The following ALKBH1 variants were observed in gnomAD, a reference collection of about 807,000 sequenced individuals.
The protein encoded by ALKBH1 is alkB homolog 1, histone H2A dioxygenase.
A neutral mutation model predicts 36.6 loss-of-function variants in ALKBH1; 31 were observed. That is an observed-to-expected ratio of 0.85 (90% CI 0.64 to 1.14). The LOEUF is 1.14. Ranked by LOEUF, ALKBH1 falls within the 50% of genes most tolerant of loss-of-function variation. The pLI, the probability that ALKBH1 is intolerant of heterozygous loss-of-function variation, is 0.00. For missense variants in ALKBH1, 490 were observed against 497.3 expected, an observed-to-expected ratio of 0.99 and a Z score of 0.14; for synonymous variants, 183 against 186.6, an observed-to-expected ratio of 0.98 and a Z score of 0.16.
chr14:77,688,343 C>T (rs2080279537), intron 3 of ALKBH1, among the ~76,000 whole-genome samples: 1 of 151,278 alleles, frequency 6.6e-6, no homozygotes, highest in Non-Finnish European at 1.5e-5. Context: ...TGCAACCTCT[C>T]CTCCCAGGTT....
At position 77,681,222 on chromosome 14, in the gene ALKBH1, A is replaced by T. The variant is rs190150500; in HGVS notation, c.456-1252T>A. Among the ~76,000 whole-genome samples, 7 of 152,290 alleles carry T rather than the reference A, an allele frequency of 4.6e-5. No homozygotes were observed. In the East Asian group the frequency reaches 1.4e-3, roughly 29 times the overall value. ...CTAAGGAGAAATTAGAGGGAAACTG[A>T]ACGCAGTATAAAGTCTAGTACTAAA... On this transcript the variant is annotated intron_variant, in intron 3 of 5. Transcript: ENST00000216489.
At chr14:77,688,246 T>C (rs1441945421) in intron 3 of ALKBH1, among the ~76,000 whole-genome samples, 2 of 57,266 alleles carry the variant, frequency 3.5e-5, no homozygotes, top group Non-Finnish European at 8.9e-5. Context: ...AAACTAAATT[T>C]TTTTTTTTTT....
At chr14:77,699,819 G>GC (rs774208701) in intron 2 of ALKBH1, among the ~76,000 whole-genome samples, 37 of 152,126 alleles carry the variant, frequency 2.4e-4, no homozygotes, top group African/African-American at 4.8e-4. Flanking sequence ...ACTTTGGGAG[G>GC]CAAGGAGGGC....
chr14:77,705,411 GAA>G (rs56123313), intron 1 of ALKBH1, among the ~76,000 whole-genome samples: 50,625 of 111,806 alleles, frequency 0.45, 8,981 homozygotes, highest in Admixed American at 0.51. Flanking sequence ...CTCCGTCTAA[GAA>G]AAAAAAAAAA....
chr14:77,700,003 A>C (rs1025189479), intron 2 of ALKBH1, among the ~76,000 whole-genome samples: 8 of 152,024 alleles, frequency 5.3e-5, no homozygotes, highest in African/African-American at 1.2e-4. Context: ...TGCAGTGAGC[A>C]GAGATCACAC....
rs1467590100 is a variant in ALKBH1, at chr14:77,674,079, C to G, written c.903G>C (p.Leu301=). 3 of 1,614,144 alleles carry G rather than the reference C, an allele frequency of 1.9e-6. No homozygotes were observed. In the East Asian group the frequency reaches 6.7e-5, roughly 36 times the overall value. Residue 301 remains leucine (L), a synonymous_variant, in exon 6 of 6, where the codon CTG becomes CTC. Transcript: ENST00000216489. ...RVLPNPEGEG[L]PHCLEAPLPA... Reference sequence around the variant, plus strand: ...GGAGAGGTGCCTCTAGGCAGTGAGGCAGGCCTTCCCCTTCTGGATTTGGAA... The same window carrying G: ...GGAGAGGTGCCTCTAGGCAGTGAGGGAGGCCTTCCCCTTCTGGATTTGGAA...
chr14:77,701,965 G>A (rs559046791), intron 2 of ALKBH1, among the ~76,000 whole-genome samples: 4 of 152,124 alleles, frequency 2.6e-5, no homozygotes, highest in African/African-American at 9.7e-5. Context: ...ATCTGTTAAG[G>A]GGAGAAAGCC....
chr14:77,698,707 A>AATT (rs1008556678), intron 2 of ALKBH1, among the ~76,000 whole-genome samples: 14 of 152,136 alleles, frequency 9.2e-5, no homozygotes, highest in Non-Finnish European at 1.8e-4. Context: ...AGGTCAGCAA[A>AATT]TGTTTTCTGT....
chr14:77,679,922 C>T lies in ALKBH1; in HGVS notation c.504G>A (p.Leu168=). ...AATGGTAGCCTACGGTCACCCAACGCAGTTTCTCCAGTAAACTTCGGGGTC... is the reference window on the plus strand; with the variant it reads ...AATGGTAGCCTACGGTCACCCAACGTAGTTTCTCCAGTAAACTTCGGGGTC... ...KRRPRSLLEK[L]RWVTVGYHYN... Residue 168 remains leucine, a synonymous_variant, in exon 4 of 6, where the codon CTG becomes CTA. Transcript: ENST00000216489. 1 of 1,614,186 alleles carries T rather than the reference C, an allele frequency of 6.2e-7. No individual in the cohort carries two copies.
chr14:77,684,971 C>T (rs1477270836), intron 3 of ALKBH1, among the ~76,000 whole-genome samples: 6 of 152,070 alleles, frequency 3.9e-5, no homozygotes, highest in South Asian at 2.1e-4. Context: ...TTGATATGGC[C>T]GCAACAAACT....
At chr14:77,688,243 ATTTT>A (rs10552601) in intron 3 of ALKBH1, among the ~76,000 whole-genome samples, 5 of 133,044 alleles carry the variant, frequency 3.8e-5, no homozygotes, top group Non-Finnish European at 3.3e-5. Flanking sequence ...ATTAAACTAA[ATTTT>A]TTTTTTTTTT....
rs908646906 is a variant in ALKBH1, at chr14:77,688,071, C to A, written c.455+6667G>T. 3.3e-5 allele frequency among the ~76,000 whole-genome samples: 5 copies of A among 152,154 alleles called. No individual in the cohort carries two copies. In the East Asian group the frequency reaches 9.6e-4, roughly 29 times the overall value. The stretch of plus-strand genomic sequence containing the variant: ...GATAGTCTCTGCTCATTCTTTTCTT[C>A]TTTCAATACTTATTTCCATTACAAG... On this transcript the variant is annotated intron_variant, in intron 3 of 5. Transcript: ENST00000216489.
At chr14:77,694,617 A>G (rs914278243) in intron 3 of ALKBH1, 121 bp downstream of exon 3, 1 of 717,526 alleles carries the variant, frequency 1.4e-6, no homozygotes, top group Non-Finnish European at 2.1e-6. Context: ...GCTTGGAAAC[A>G]ATGAAGGGAA....
chr14:77,699,330 C>A (rs2080345928), intron 2 of ALKBH1, among the ~76,000 whole-genome samples: 1 of 152,210 alleles, frequency 6.6e-6, no homozygotes, highest in Non-Finnish European at 1.5e-5. Context: ...TATTACTTAA[C>A]TACTTTTCCT....
Position 77,679,911 on chromosome 14 carries a change from G to A in ALKBH1, c.515C>T (p.Thr172Ile). The A allele has an allele frequency of 6.2e-7, 1 of 1,614,044 alleles. No individual in the cohort carries two copies. The highest frequency in any genetic ancestry group is 1.1e-5 in the South Asian group (1 of 91,086). ...GTCCCAGTTATAATGGTAGCCTACG[G>A]TCACCCAACGCAGTTTCTCCAGTAA... ...RSLLEKLRWV[T>I]VGYHYNWDSK... Residue 172 changes from threonine (T) to isoleucine (I), a missense_variant, in exon 4 of 6, where the codon ACC becomes ATC. Transcript: ENST00000216489.
rs1444445138 is a variant in ALKBH1 at position 77,673,786 on chromosome 14, A to C, written c.*26T>G. ...ATCATTTACGGTAAGCAGGTGCCTG[A>C]GTAAAAAGGATGGGATCTCCAAGTC... On this transcript the variant is annotated 3_prime_UTR_variant, in exon 6 of 6. Transcript: ENST00000216489. 2 of 1,593,656 alleles carry C rather than the reference A, an allele frequency of 1.3e-6. No individual in the cohort carries two copies. Among genetic ancestry groups the C allele is most frequent in the Non-Finnish European group, 1.7e-6 (2 of 1,168,190 alleles).
chr14:77,676,002 T>TC (rs977397715), intron 4 of ALKBH1, among the ~76,000 whole-genome samples, 153 bp from the exon 5 acceptor site: 7 of 151,584 alleles, frequency 4.6e-5, no homozygotes, highest in African/African-American at 1.5e-4. Flanking sequence ...TCTTTTCTTT[T>TC]TTTTTTTTTT....
At chr14:77,689,972 T>C (rs1041481724) in intron 3 of ALKBH1, among the ~76,000 whole-genome samples, 1 of 151,956 alleles carries the variant, frequency 6.6e-6, no homozygotes, top group Non-Finnish European at 1.5e-5. Flanking sequence ...CTGGGCAACA[T>C]AGCAAGACAC....
chr14:77,673,665 G>C lies in ALKBH1; in HGVS notation c.*147C>G. 1.2e-6 allele frequency: 1 copy of C among 813,930 alleles called. No individual in the cohort carries two copies. The highest frequency in any genetic ancestry group is 1.9e-6 in the Non-Finnish European group (1 of 518,180). The allele number at this position is 813,930 out of a possible 1,614,324, so 50.4% of individuals were successfully genotyped here. Reference sequence around the variant, plus strand: ...AGTGGCTGAGTTTACTTCTGCGTGGGTTCCAAGGCAACAGTGTGATCAACA... The same window carrying C: ...AGTGGCTGAGTTTACTTCTGCGTGGCTTCCAAGGCAACAGTGTGATCAACA... On this transcript the variant is annotated 3_prime_UTR_variant, in exon 6 of 6. Coordinates refer to ENST00000216489, the MANE Select transcript of ALKBH1 (RefSeq NM_006020.3).
Sources: allele counts gnomAD v4.1 joint callset (sites outside exome capture counted in the v4.1 genomes callset), GRCh38; gene constraint gnomAD v4.1.1; transcripts MANE v1.5; gene names NCBI Gene and HGNC (gene_info 2026-07-23, HGNC 2026-07-21).